The following CERT1 variants were observed in gnomAD, a reference collection of about 807,000 sequenced individuals.
CERT1 encodes the protein ceramide transfer protein.
CERT1 carries 31 observed loss-of-function variants against 87.9 expected under a neutral mutation model. The ratio of observed to expected loss-of-function variants is 0.35; its 90% CI spans 0.27 to 0.48. CERT1 has a LOEUF of 0.48. CERT1 is among the 20% of genes least tolerant of loss of function. The pLI is 0.99. For missense variants in CERT1, 487 were observed against 758.0 expected, an observed-to-expected ratio of 0.64 and a Z score of 4.20; for synonymous variants, 289 against 250.9, an observed-to-expected ratio of 1.15 and a Z score of -1.44.
intron 5 of CERT1, among the ~76,000 whole-genome samples, chr5:75,423,617 T>C (rs2112176407): frequency 6.6e-6 from 1 of 152,282 alleles, no homozygotes; most frequent in South Asian, 2.1e-4. Flanking sequence ...GGTGTATGCC[T>C]GTAGTCCTAG....
At chr5:75,395,020 GGA>G (rs1269019902) in intron 11 of CERT1, among the ~76,000 whole-genome samples, 2 of 152,142 alleles carry the variant, frequency 1.3e-5, no homozygotes, top group African/African-American at 4.8e-5. Context: ...ACTGAAAAAG[GGA>G]GAGGGGTGAA....
chr5:75,383,547 T>C (rs531627287), intron 14 of CERT1, among the ~76,000 whole-genome samples: 24 of 152,242 alleles, frequency 1.6e-4, no homozygotes, highest in African/African-American at 5.5e-4. Flanking sequence ...TCAAAATTTG[T>C]ATGCTGAAAC....
At chr5:75,496,955 T>A (rs1409758321) in intron 2 of CERT1, among the ~76,000 whole-genome samples, 1 of 152,152 alleles carries the variant, frequency 6.6e-6, no homozygotes, top group Non-Finnish European at 1.5e-5. Flanking sequence ...TCAATGTGAT[T>A]TTTTAAAAGG....
downstream of CERT1, chr5:75,375,623 AAATAAAT>A (rs1761268843): frequency 7.1e-6 from 1 of 141,120 alleles, no homozygotes; most frequent in African/African-American, 2.7e-5. Context: ...ATAAATAAAT[AAATAAAT>A]AAAATAAATA....
Position 75,411,118 on chromosome 5 carries a change from T to A in CERT1, c.838-15A>T. ...TTCTCAGTTTCCTATTAAAAAGAAG[T>A]GAAAAATCTGTAATTTGAGGCAGGC... On this transcript the variant is annotated splice_polypyrimidine_tract_variant and intron_variant, in intron 7 of 16. Transcript: ENST00000643780. 7.1e-7 allele frequency: 1 copy of A among 1,402,806 alleles called. No homozygotes were observed. Among genetic ancestry groups the A allele is most frequent in the Admixed American group, 2.0e-5 (1 of 49,076 alleles). The allele number at this position is 1,402,806 out of a possible 1,614,324, so 86.9% of individuals were successfully genotyped here. A position where few individuals can be genotyped will look rare whatever the true frequency, so the allele number is the denominator to read the frequency against.
At chr5:75,457,814 C>T (rs919546895) in intron 3 of CERT1, among the ~76,000 whole-genome samples, 1 of 149,180 alleles carries the variant, frequency 6.7e-6, no homozygotes, top group African/African-American at 2.5e-5. Context: ...AAAACAGTGC[C>T]TGAGATTTCA....
chr5:75,486,250 A>G (rs1389824946), intron 2 of CERT1, among the ~76,000 whole-genome samples: 6 of 152,160 alleles, frequency 3.9e-5, no homozygotes, highest in African/African-American at 1.4e-4. Context: ...GACAAAAACC[A>G]TAAAGTCATT....
At chr5:75,466,161 C>T (rs1158428613) in intron 2 of CERT1, among the ~76,000 whole-genome samples, 1 of 152,150 alleles carries the variant, frequency 6.6e-6, no homozygotes. Flanking sequence ...CTCTGCCAGC[C>T]CCCTTTTATT....
intron 15 of CERT1, 131 bp downstream of exon 15, chr5:75,381,818 A>G (rs1761598734): frequency 2.4e-6 from 2 of 840,342 alleles, no homozygotes; most frequent in South Asian, 1.8e-5. Context: ...CCTAGCAGTC[A>G]ATCCAACATA....
At chr5:75,384,570 A>T in intron 14 of CERT1, 72 bp downstream of exon 14, 1 of 1,043,262 alleles carries the variant, frequency 9.6e-7, no homozygotes, top group Non-Finnish European at 1.4e-6. Context: ...CCCCAATTTT[A>T]CTTTAGAGAA....
At chr5:75,507,194 T>C (rs1767689796) in intron 1 of CERT1, among the ~76,000 whole-genome samples, 1 of 152,144 alleles carries the variant, frequency 6.6e-6, no homozygotes, top group African/African-American at 2.4e-5. Context: ...AGTGGCACCA[T>C]CTCAGTTTAC....
chr5:75,431,969 T>A (rs1193331294), intron 3 of CERT1, among the ~76,000 whole-genome samples: 2 of 152,178 alleles, frequency 1.3e-5, no homozygotes, highest in Admixed American at 6.5e-5. Flanking sequence ...AGTTCTGTTT[T>A]AAGTTGTTTG....
chr5:75,453,851 T>C (rs1764860782), intron 3 of CERT1, among the ~76,000 whole-genome samples: 1 of 151,276 alleles, frequency 6.6e-6, no homozygotes, highest in Admixed American at 6.6e-5. Context: ...AGAGCACGAG[T>C]GGAGGGTGCG....
chr5:75,412,542 C>T (rs576715440), intron 7 of CERT1, among the ~76,000 whole-genome samples: 11 of 152,258 alleles, frequency 7.2e-5, no homozygotes, highest in Middle Eastern at 3.4e-3. Context: ...GTGTCACTGA[C>T]GACTTAATTC....
chr5:75,455,366 T>C lies in CERT1; in HGVS notation c.348+3699A>G, dbSNP rs181910168. On this transcript the variant is annotated intron_variant, in intron 3 of 16. Coordinates refer to ENST00000643780, the MANE Select transcript of CERT1 (RefSeq NM_001379029.1). The stretch of plus-strand genomic sequence containing the variant: ...GCAGAAAATGCTTTCCAAGAGTTTG[T>C]AGAATCCCGAAGCACAGATTTTTAT... Among the ~76,000 whole-genome samples the C allele has an allele frequency of 3.2e-4, 49 of 152,348 alleles. 1 individual carries two copies. The East Asian group carries it at 7.7e-3, about 24-fold the overall frequency.
At chr5:75,454,166 T>C (rs1387098346) in intron 3 of CERT1, among the ~76,000 whole-genome samples, 1 of 152,198 alleles carries the variant, frequency 6.6e-6, no homozygotes, top group Non-Finnish European at 1.5e-5. Flanking sequence ...GTTATTTTGT[T>C]GCTTATTTTT....
intron 11 of CERT1, among the ~76,000 whole-genome samples, chr5:75,393,832 G>A (rs915657931): frequency 2.0e-5 from 3 of 151,736 alleles, no homozygotes; most frequent in Admixed American, 6.6e-5. Flanking sequence ...GGGCGTGGTG[G>A]TGCATGCCTG....
chr5:75,476,134 CAT>C (rs1765943061), intron 2 of CERT1, among the ~76,000 whole-genome samples: 1 of 152,024 alleles, frequency 6.6e-6, no homozygotes. Flanking sequence ...ATTTATTTAA[CAT>C]AAAAACACAA....
chr5:75,472,200 T>C (rs112941114), intron 2 of CERT1, among the ~76,000 whole-genome samples: 57 of 152,328 alleles, frequency 3.7e-4, no homozygotes, highest in African/African-American at 8.9e-4. Context: ...TAACAAATAG[T>C]GTTAGGAAAA....
Sources: gnomAD v4.1 joint callset for allele counts (sites outside exome capture counted in the v4.1 genomes callset) on GRCh38, gnomAD v4.1.1 for gene constraint, MANE v1.5 for transcripts, NCBI Gene and HGNC (gene_info 2026-07-23, HGNC 2026-07-21) for gene names.